ANGPTL1: variants seen among roughly 807,000 people sequenced by gnomAD.
The protein encoded by ANGPTL1 is angiopoietin like 1, also known as angiopoietin-related protein 1.
ANGPTL1 carries 36 observed loss-of-function variants against 46.7 expected under a neutral mutation model. The ratio of observed to expected loss-of-function variants is 0.77; its 90% confidence interval spans 0.59 to 1.02. The LOEUF (loss-of-function observed/expected upper bound fraction) is 1.02. ANGPTL1 is among the 50% of genes least tolerant of loss of function. ANGPTL1 has a pLI of 0.00. For synonymous variants in ANGPTL1, 221 were observed against 204.3 expected, an observed-to-expected ratio of 1.08 and a Z score of -0.69; for missense variants, 571 against 594.7, an observed-to-expected ratio of 0.96 and a Z score of 0.41.
intron 3 of ANGPTL1, among the ~76,000 whole-genome samples, chr1:178,861,689 A>G (rs745490050): frequency 1.3e-5 from 2 of 152,186 alleles, no homozygotes; most frequent in Non-Finnish European, 2.9e-5. Context: ...ACACAGCTCA[A>G]TTATGTTTAT....
chr1:178,858,236 C>A (rs948913402), intron 3 of ANGPTL1, among the ~76,000 whole-genome samples: 12 of 152,040 alleles, frequency 7.9e-5, no homozygotes, highest in African/African-American at 2.9e-4. Context: ...TATTGTTGAT[C>A]CTAGCAGAAA....
chr1:178,856,432 A>G (rs1338887764), intron 3 of ANGPTL1, among the ~76,000 whole-genome samples: 3 of 39,548 alleles, frequency 7.6e-5, no homozygotes, highest in African/African-American at 1.0e-4. Context: ...TTTTTGAGAG[A>G]TGAGGTCTTG....
At position 178,853,727 on chromosome 1, in the gene ANGPTL1, A is replaced by G; in HGVS notation, c.884T>C (p.Met295Thr). The change falls in exon 4 of 6, where the codon ATG becomes ACG. Residue 295 changes from methionine (M) to threonine (T), a missense_variant. Physicochemically the swap from Met to Thr is moderately conservative, Grantham distance 81. Coordinates refer to ENST00000234816, the MANE Select transcript of ANGPTL1 (RefSeq NM_004673.4). ...EAGHSVSGIYMIKPENSNGPM... is the reference protein window; with the variant it reads ...EAGHSVSGIYTIKPENSNGPM... ...TCCATTGCTGTTTTCAGGTTTAATC[A>G]TATAAATCCCACTGACCGAATGCCC... 1 of 1,609,140 alleles carries G rather than the reference A, an allele frequency of 6.2e-7. No homozygotes were observed. Among genetic ancestry groups the G allele is most frequent in the Non-Finnish European group, 8.5e-7 (1 of 1,177,688 alleles).
At chr1:178,858,925 T>C (rs1657770362) in intron 3 of ANGPTL1, among the ~76,000 whole-genome samples, 1 of 152,152 alleles carries the variant, frequency 6.6e-6, no homozygotes, top group African/African-American at 2.4e-5. Flanking sequence ...GTAAACCAAT[T>C]CAGAGCTTTC....
At chr1:178,856,501 C>T (rs1657597104) in intron 3 of ANGPTL1, among the ~76,000 whole-genome samples, 2 of 135,058 alleles carry the variant, frequency 1.5e-5, no homozygotes, top group South Asian at 2.4e-4. Flanking sequence ...GGTCTCAAGT[C>T]GGACTTCAGA....
chr1:178,863,332 G>C (rs1243171725), intron 3 of ANGPTL1, among the ~76,000 whole-genome samples: 1 of 152,166 alleles, frequency 6.6e-6, no homozygotes, highest in African/African-American at 2.4e-5. Context: ...GAGATCAAAT[G>C]GTGAAAAGAC....
chr1:178,870,029 C>T (rs1030851181), intron 1 of ANGPTL1, among the ~76,000 whole-genome samples: 7 of 152,138 alleles, frequency 4.6e-5, no homozygotes, highest in South Asian at 2.1e-4. Context: ...TTACATAATG[C>T]TTTTGTGTGT....
chr1:178,856,600 C>T (rs1444422218), intron 3 of ANGPTL1, among the ~76,000 whole-genome samples: 1 of 151,292 alleles, frequency 6.6e-6, no homozygotes, highest in African/African-American at 2.4e-5. Context: ...CTTTGTGCTT[C>T]TGGGATAGAC....
chr1:178,852,950 C>T lies in ANGPTL1; in HGVS notation c.1021G>A (p.Gly341Arg), dbSNP rs1430487564. 2 of 1,606,572 alleles carry T rather than the reference C, an allele frequency of 1.2e-6. No individual in the cohort carries two copies. Among genetic ancestry groups the T allele is most frequent in the Non-Finnish European group, 1.7e-6 (2 of 1,176,850 alleles). The stretch of plus-strand genomic sequence containing the variant: ...TATTCTCCGTCAATGTTTCCAAACC[C>T]TTTCTGTTAATAAGTGAAGAAACAT... ...FFRNWENYKKGFGNIDGEYWL... is the reference protein window; with the variant it reads ...FFRNWENYKKRFGNIDGEYWL... The change falls in exon 5 of 6, where the codon GGG (glycine) becomes AGG (arginine). Residue 341 changes from glycine (G) to arginine (R), a missense_variant. By Grantham distance (125) the Gly-to-Arg change is moderately radical. Transcript: ENST00000234816.
At chr1:178,854,175 A>G (rs1294517263) in intron 3 of ANGPTL1, among the ~76,000 whole-genome samples, 2 of 152,118 alleles carry the variant, frequency 1.3e-5, no homozygotes, top group South Asian at 4.1e-4. Flanking sequence ...TGCTATTATA[A>G]AAACACTGCA....
At chr1:178,869,446 G>A (rs967769681) in intron 1 of ANGPTL1, among the ~76,000 whole-genome samples, 1 of 152,066 alleles carries the variant, frequency 6.6e-6, no homozygotes, top group African/African-American at 2.4e-5. Context: ...TTAAGAAAAG[G>A]ATAAATAGTT....
rs1236067121 is a variant in ANGPTL1, at chr1:178,871,004, T to C, written c.-400A>G. 1 of 152,218 alleles carries C rather than the reference T, an allele frequency of 6.6e-6. No individual in the cohort carries two copies. Among genetic ancestry groups the C allele is most frequent in the Non-Finnish European group, 1.5e-5 (1 of 68,062 alleles). The allele number at this position is 152,218 out of a possible 1,614,324, so 9.4% of individuals were successfully genotyped here. ...CGTCTTTAATCCAGCAGAGAAAGCG[T>C]TGTGGCTTTGCTCTGTCTGCCACAT... On this transcript the variant is annotated 5_prime_UTR_variant, in exon 1 of 6. Transcript: ENST00000234816.
chr1:178,855,958 CTAATA>C (rs1483574193), intron 3 of ANGPTL1, among the ~76,000 whole-genome samples: 32 of 147,306 alleles, frequency 2.2e-4, no homozygotes, highest in African/African-American at 7.7e-4. Flanking sequence ...TATATAATAT[CTAATA>C]TAAGAACAAA....
At chr1:178,861,780 AT>A (rs928197649) in intron 3 of ANGPTL1, among the ~76,000 whole-genome samples, 7 of 151,922 alleles carry the variant, frequency 4.6e-5, no homozygotes, top group Admixed American at 2.0e-4. Context: ...ATCAAAAGCA[AT>A]TTTTTTTCTG....
Position 178,864,937 on chromosome 1 carries a change from A to G in ANGPTL1, c.823+17T>C. On this transcript the variant is annotated intron_variant, in intron 3 of 5. Coordinates refer to ENST00000234816, the MANE Select transcript of ANGPTL1 (RefSeq NM_004673.4). ...TAAACCTCATACTCCCACTTTTTAC[A>G]GTAAGAGGTAACTCACCTTCATTGA... 7.1e-7 allele frequency: 1 copy of G among 1,413,118 alleles called. No individual in the cohort carries two copies. Among genetic ancestry groups the G allele is most frequent in the Non-Finnish European group, 9.3e-7 (1 of 1,079,698 alleles). 87.5% of individuals were successfully genotyped at this position (1,413,118 alleles called of 1,614,324 possible).
At chr1:178,856,739 A>G (rs1414772329) in intron 3 of ANGPTL1, among the ~76,000 whole-genome samples, 1 of 152,116 alleles carries the variant, frequency 6.6e-6, no homozygotes, top group Non-Finnish European at 1.5e-5. Context: ...TATTTAATAA[A>G]GTAGCTTATT....
intron 3 of ANGPTL1, among the ~76,000 whole-genome samples, chr1:178,856,609 A>T (rs150345874): frequency 1.0e-3 from 152 of 150,964 alleles, no homozygotes; most frequent in African/African-American, 3.6e-3. Context: ...TCTGGGATAG[A>T]CTCAACTTAG....
intron 4 of ANGPTL1, among the ~76,000 whole-genome samples, chr1:178,853,354 A>G (rs1657308011): frequency 6.6e-6 from 1 of 152,194 alleles, no homozygotes; most frequent in Admixed American, 6.5e-5. Flanking sequence ...AGTAGTAAGT[A>G]TAAGTCATCC....
intron 3 of ANGPTL1, among the ~76,000 whole-genome samples, chr1:178,856,198 G>GATATATATATATAT (rs1232946834): frequency 4.2e-5 from 2 of 47,270 alleles, no homozygotes; most frequent in African/African-American, 1.2e-4. Flanking sequence ...TCCAGAGAGA[G>GATATATATATATAT]AGAGATATAT....
Sources: gnomAD v4.1 joint callset for allele counts (sites outside exome capture counted in the v4.1 genomes callset) on GRCh38, gnomAD v4.1.1 for gene constraint, MANE v1.5 for transcripts, NCBI Gene and HGNC (gene_info 2026-07-23, HGNC 2026-07-21) for gene names.